GHR: variants seen among roughly 807,000 people sequenced by gnomAD.
GHR encodes the protein GH receptor.
A neutral mutation model predicts 67.1 loss-of-function variants in GHR; 35 were observed. The observed-to-expected ratio is 0.52, with a 90% CI of 0.40 to 0.69. The LOEUF is 0.69. GHR is among the 30% of genes least tolerant of loss of function. GHR has a pLI of 0.00. For synonymous variants in GHR, 272 were observed against 269.1 expected, an observed-to-expected ratio of 1.01 and a Z score of -0.10; for missense variants, 792 against 764.6, an observed-to-expected ratio of 1.04 and a Z score of -0.42.
intron 1 of GHR, among the ~76,000 whole-genome samples, chr5:42,540,974 A>G (rs1012654926): frequency 7.2e-6 from 1 of 139,408 alleles, no homozygotes; most frequent in Non-Finnish European, 1.5e-5. Flanking sequence ...ATTTACTTTC[A>G]TCTTCTGATT....
intron 1 of GHR, among the ~76,000 whole-genome samples, chr5:42,448,271 T>G (rs1358476212): frequency 6.6e-6 from 1 of 152,164 alleles, no homozygotes; most frequent in African/African-American, 2.4e-5. Flanking sequence ...TTTTTTATTT[T>G]TTAATAATGG....
chr5:42,662,227 A>C (rs1755678847), intron 3 of GHR, among the ~76,000 whole-genome samples: 1 of 152,192 alleles, frequency 6.6e-6, no homozygotes, highest in African/African-American at 2.4e-5. Flanking sequence ...ATACCCAGGA[A>C]TTGAACTCAG....
At chr5:42,578,194 C>T (rs2112539895) in intron 2 of GHR, among the ~76,000 whole-genome samples, 1 of 152,180 alleles carries the variant, frequency 6.6e-6, no homozygotes, top group South Asian at 2.1e-4. Context: ...ACCAAAACAA[C>T]TATAGACATT....
At chr5:42,513,561 G>T (rs1353013413) in intron 1 of GHR, among the ~76,000 whole-genome samples, 4 of 152,170 alleles carry the variant, frequency 2.6e-5, no homozygotes, top group African/African-American at 9.7e-5. Flanking sequence ...GCCGAGGTGG[G>T]CCGATCACCT....
At chr5:42,489,200 C>G (rs1331024167) in intron 1 of GHR, among the ~76,000 whole-genome samples, 1 of 152,138 alleles carries the variant, frequency 6.6e-6, no homozygotes, top group Non-Finnish European at 1.5e-5. Context: ...CCTCCCCACT[C>G]TTCTTACCTC....
At position 42,565,890 on chromosome 5, in the gene GHR, C is replaced by G. The variant is rs750933471; in HGVS notation, c.16C>G (p.Leu6Val). Residue 6 changes from leucine (L) to valine (V), a missense_variant, in exon 2 of 10, where the codon CTG becomes GTG. Transcript: ENST00000230882. Reference sequence around the variant, plus strand: ...TCCTACAGGTATGGATCTCTGGCAGCTGCTGTTGACCTTGGCACTGGCAGG... The same window carrying G: ...TCCTACAGGTATGGATCTCTGGCAGGTGCTGTTGACCTTGGCACTGGCAGG... MDLWQLLLTLALAGSS... is the reference protein window; with the variant it reads MDLWQVLLTLALAGSS... 1 of 1,614,032 alleles carries G rather than the reference C, an allele frequency of 6.2e-7. No homozygotes were observed. The highest frequency in any genetic ancestry group is 1.1e-5 in the South Asian group (1 of 91,090).
At chr5:42,664,081 A>G (rs890400753) in intron 3 of GHR, among the ~76,000 whole-genome samples, 10 of 152,226 alleles carry the variant, frequency 6.6e-5, no homozygotes, top group Non-Finnish European at 1.0e-4. Flanking sequence ...CCACTGCTCA[A>G]TGAAATAAAA....
At chr5:42,527,771 G>C (rs985496590) in intron 1 of GHR, among the ~76,000 whole-genome samples, 1 of 152,062 alleles carries the variant, frequency 6.6e-6, no homozygotes, top group Non-Finnish European at 1.5e-5. Context: ...TCATCACCAC[G>C]TGGCACATAC....
chr5:42,439,647 G>T (rs775698834), intron 1 of GHR, among the ~76,000 whole-genome samples: 3 of 152,206 alleles, frequency 2.0e-5, no homozygotes, highest in Non-Finnish European at 4.4e-5. Flanking sequence ...TTGGGTACAT[G>T]TCTAGGTACT....
chr5:42,626,867 G>T (rs1464593318), intron 2 of GHR, among the ~76,000 whole-genome samples: 1 of 152,162 alleles, frequency 6.6e-6, no homozygotes, highest in Non-Finnish European at 1.5e-5. Flanking sequence ...ATAACTTAGA[G>T]GTAACGTGAT....
At chr5:42,596,620 T>C (rs541039164) in intron 2 of GHR, among the ~76,000 whole-genome samples, 1 of 152,328 alleles carries the variant, frequency 6.6e-6, no homozygotes, top group Non-Finnish European at 1.5e-5. Context: ...ATATGTTATG[T>C]TGGAACTTTG....
At chr5:42,595,741 T>C (rs1022965644) in intron 2 of GHR, among the ~76,000 whole-genome samples, 1 of 152,062 alleles carries the variant, frequency 6.6e-6, no homozygotes, top group Non-Finnish European at 1.5e-5. Context: ...GGGTCTTAAG[T>C]GGAGATTAGG....
At chr5:42,534,141 T>C (rs1748110442) in intron 1 of GHR, among the ~76,000 whole-genome samples, 1 of 148,080 alleles carries the variant, frequency 6.8e-6, no homozygotes, top group African/African-American at 2.5e-5. Flanking sequence ...TGTACATATG[T>C]ATATATGTAT....
intron 3 of GHR, among the ~76,000 whole-genome samples, chr5:42,647,310 C>T (rs989324889): frequency 6.6e-6 from 1 of 152,076 alleles, no homozygotes; most frequent in Non-Finnish European, 1.5e-5. Context: ...CGTTGTGGCT[C>T]ACACCTGTAA....
intron 1 of GHR, among the ~76,000 whole-genome samples, chr5:42,447,213 C>A (rs546001700): frequency 6.6e-6 from 1 of 151,942 alleles, no homozygotes; most frequent in Non-Finnish European, 1.5e-5. Context: ...AGTTCTTTAG[C>A]GGTGATGTCT....
At chr5:42,521,947 G>A (rs1212766480) in intron 1 of GHR, among the ~76,000 whole-genome samples, 1 of 152,094 alleles carries the variant, frequency 6.6e-6, no homozygotes, top group Non-Finnish European at 1.5e-5. Context: ...TAACAATTTT[G>A]GCCAAGAGGA....
chr5:42,655,449 T>C (rs1271319595), intron 3 of GHR, among the ~76,000 whole-genome samples: 5 of 152,072 alleles, frequency 3.3e-5, no homozygotes, highest in Non-Finnish European at 1.5e-5. Context: ...TAATAAGAAT[T>C]TGGACATTGC....
At chr5:42,496,038 C>A (rs1246404078) in intron 1 of GHR, among the ~76,000 whole-genome samples, 1 of 152,166 alleles carries the variant, frequency 6.6e-6, no homozygotes, top group Non-Finnish European at 1.5e-5. Context: ...ACACTCCTGG[C>A]ATCTGCCTGG....
intron 1 of GHR, among the ~76,000 whole-genome samples, chr5:42,553,883 T>C (rs1391220165): frequency 6.6e-6 from 1 of 152,216 alleles, no homozygotes; most frequent in African/African-American, 2.4e-5. Flanking sequence ...CATATTTCAG[T>C]ATTAAAATTA....
Sources: gnomAD v4.1 joint callset for allele counts (sites outside exome capture counted in the v4.1 genomes callset) on GRCh38, gnomAD v4.1.1 for gene constraint, MANE v1.5 for transcripts, NCBI Gene and HGNC (gene_info 2026-07-23, HGNC 2026-07-21) for gene names.